SIL1: variants seen among roughly 807,000 people sequenced by gnomAD.
SIL1 encodes the protein SIL1 nucleotide exchange factor, also known as nucleotide exchange factor SIL1.
Under a neutral mutation model 49.1 loss-of-function variants are expected in SIL1, and 40 were observed. That is an observed-to-expected ratio of 0.81 (90% CI 0.63 to 1.06). The LOEUF is 1.06. SIL1 is among the 50% of genes least tolerant of loss of function. SIL1 has a pLI of 0.00. For missense variants in SIL1, 500 were observed against 572.6 expected (o/e 0.87, Z 1.29); for synonymous variants, 253 against 250.8 (o/e 1.01, Z -0.08).
rs1290764376 is a variant in SIL1 at position 138,951,168 on chromosome 5, C to T, written c.1029+3G>A. On this transcript the variant is annotated splice_donor_region_variant and intron_variant, in intron 9 of 9. Coordinates refer to ENST00000394817, the MANE Select transcript of SIL1 (RefSeq NM_022464.5). ...AGGAGACTGGGTGGGCCTGGGCACTCACCTTCTCCGTGACCAGGTCGTAGA... is the reference window on the plus strand; with the variant it reads ...AGGAGACTGGGTGGGCCTGGGCACTTACCTTCTCCGTGACCAGGTCGTAGA... The T allele has an allele frequency of 2.5e-6, 4 of 1,610,864 alleles. No individual in the cohort carries two copies. In the South Asian group the frequency reaches 4.4e-5, roughly 18 times the overall value.
At chr5:139,103,927 G>T (rs1770646940) in intron 3 of SIL1, among the ~76,000 whole-genome samples, 1 of 152,224 alleles carries the variant, frequency 6.6e-6, no homozygotes, top group Non-Finnish European at 1.5e-5. Flanking sequence ...CCTGCTGGCA[G>T]GTCAGTTTGT....
intron 1 of SIL1, among the ~76,000 whole-genome samples, chr5:139,166,979 T>C (rs1324789073): frequency 1.3e-5 from 2 of 151,756 alleles, no homozygotes; most frequent in African/African-American, 4.8e-5. Flanking sequence ...CGGCTAATTA[T>C]TTTTTTGTAT....
At chr5:138,990,285 C>T (rs908524942) in intron 7 of SIL1, among the ~76,000 whole-genome samples, 6 of 152,130 alleles carry the variant, frequency 3.9e-5, no homozygotes, top group African/African-American at 1.2e-4. Context: ...CTAGGATGCC[C>T]ACAGAGATCC....
chr5:139,133,114 C>T (rs916410095), intron 1 of SIL1, among the ~76,000 whole-genome samples: 4 of 152,148 alleles, frequency 2.6e-5, no homozygotes, highest in Admixed American at 2.6e-4. Context: ...GGAGGACAGA[C>T]CTACATCTTT....
intron 4 of SIL1, among the ~76,000 whole-genome samples, chr5:139,049,951 C>A (rs1447377163): frequency 6.6e-6 from 1 of 152,174 alleles, no homozygotes; most frequent in Non-Finnish European, 1.5e-5. Flanking sequence ...GCTCTGTGAT[C>A]CATATGGTGT....
At chr5:138,996,513 A>ATTTTTT (rs140943492) in intron 7 of SIL1, among the ~76,000 whole-genome samples, 14 of 89,902 alleles carry the variant, frequency 1.6e-4, no homozygotes, top group Non-Finnish European at 2.2e-4. Flanking sequence ...TGCTGTGCAG[A>ATTTTTT]TTTTTTTTTT....
At chr5:139,010,815 C>A (rs1175739290) in intron 7 of SIL1, among the ~76,000 whole-genome samples, 2 of 152,038 alleles carry the variant, frequency 1.3e-5, no homozygotes, top group Admixed American at 6.6e-5. Flanking sequence ...AGGCAGTCTG[C>A]CGGTTCTCAG....
At chr5:139,027,691 A>G (rs1182748196) in intron 5 of SIL1, among the ~76,000 whole-genome samples, 1 of 152,242 alleles carries the variant, frequency 6.6e-6, no homozygotes, top group Non-Finnish European at 1.5e-5. Context: ...AAAGACTTTA[A>G]TTAAATATTT....
At chr5:139,146,677 A>C (rs1389226747) in intron 1 of SIL1, among the ~76,000 whole-genome samples, 1 of 152,214 alleles carries the variant, frequency 6.6e-6, no homozygotes, top group East Asian at 1.9e-4. Context: ...TCTTTGCCTA[A>C]ACTGCTAAGA....
chr5:139,078,736 T>G (rs751396674), intron 3 of SIL1, among the ~76,000 whole-genome samples: 5 of 152,242 alleles, frequency 3.3e-5, no homozygotes, highest in South Asian at 4.1e-4. Context: ...TAGAAAAATC[T>G]AGCACTTTTC....
At chr5:138,952,598 T>A (rs1398904735) in intron 7 of SIL1, among the ~76,000 whole-genome samples, 1 of 152,220 alleles carries the variant, frequency 6.6e-6, no homozygotes, top group Non-Finnish European at 1.5e-5. Context: ...AGGGAATGAA[T>A]GAACGACTGA....
intron 3 of SIL1, among the ~76,000 whole-genome samples, chr5:139,110,333 T>C (rs1481560117): frequency 6.7e-6 from 1 of 149,794 alleles, no homozygotes. Context: ...AAATATACCA[T>C]ATTACTATTC....
intron 4 of SIL1, among the ~76,000 whole-genome samples, chr5:139,050,593 A>G (rs1013390878): frequency 6.6e-5 from 10 of 152,248 alleles, no homozygotes; most frequent in African/African-American, 2.4e-4. Flanking sequence ...CAGAAGGCCT[A>G]ACAGGCCTGT....
chr5:139,084,693 A>G (rs1225355848), intron 3 of SIL1, among the ~76,000 whole-genome samples: 3 of 141,180 alleles, frequency 2.1e-5, no homozygotes, highest in East Asian at 2.1e-4. Flanking sequence ...TAGATGACAC[A>G]TTAGTGGGTG....
At chr5:139,024,562 G>A (rs1409042768) in intron 6 of SIL1, among the ~76,000 whole-genome samples, 3 of 152,226 alleles carry the variant, frequency 2.0e-5, no homozygotes, top group African/African-American at 7.2e-5. Context: ...GTCGTGCATG[G>A]TGCATGGGAG....
chr5:139,192,831 A>G (rs1290377946), intron 1 of SIL1, among the ~76,000 whole-genome samples: 1 of 150,772 alleles, frequency 6.6e-6, no homozygotes, highest in Non-Finnish European at 1.5e-5. Context: ...GACTGTCTCT[A>G]CCAAAAAAAA....
intron 7 of SIL1, among the ~76,000 whole-genome samples, chr5:138,991,360 C>T (rs1767756770): frequency 6.6e-6 from 1 of 152,242 alleles, no homozygotes; most frequent in South Asian, 2.1e-4. Context: ...GCAGTAGGGG[C>T]TGGGAGGCAG....
At chr5:139,026,559 C>T (rs951558792) in intron 6 of SIL1, among the ~76,000 whole-genome samples, 9 of 152,150 alleles carry the variant, frequency 5.9e-5, no homozygotes, top group Non-Finnish European at 8.8e-5. Flanking sequence ...GCCGAGATCG[C>T]GCCACTGCAC....
intron 6 of SIL1, among the ~76,000 whole-genome samples, chr5:139,025,391 A>C (rs1768621985): frequency 1.3e-5 from 2 of 152,058 alleles, no homozygotes; most frequent in Non-Finnish European, 2.9e-5. Flanking sequence ...TCTGTGCCTC[A>C]TTTTCCTCGG....
Sources: allele counts gnomAD v4.1 joint callset (sites outside exome capture counted in the v4.1 genomes callset), GRCh38; gene constraint gnomAD v4.1.1; transcripts MANE v1.5; gene names NCBI Gene and HGNC (gene_info 2026-07-23, HGNC 2026-07-21).